The following EMC4 variants were observed in gnomAD, a reference collection of about 807,000 sequenced individuals.
EMC4 encodes cell proliferation-inducing gene 17 protein.
Under a neutral mutation model 24.2 loss-of-function variants are expected in EMC4, and 9 were observed. The ratio of observed to expected loss-of-function variants is 0.37; its 90% CI spans 0.22 to 0.65. EMC4 has a LOEUF of 0.65. Among genes scored for constraint, EMC4 ranks in the 30% least tolerant of loss-of-function variants. The probability of loss-of-function intolerance (pLI) is 0.59; values close to 1 mark genes in which losing one functional copy is unlikely to be tolerated. For missense variants in EMC4, 169 were observed against 234.6 expected (o/e 0.72, Z 1.83); for synonymous variants, 86 against 81.1 (o/e 1.06, Z -0.32).
chr15:34,227,904 G>A, intron 3 of EMC4, 58 bp downstream of exon 3: 1 of 1,570,248 alleles, frequency 6.4e-7, no homozygotes, highest in Non-Finnish European at 8.7e-7. Flanking sequence ...AGGCAGGCCG[G>A]GCATGGTGGC....
At chr15:34,225,258 T>C (rs1339993280) in intron 1 of EMC4, 58 bp downstream of exon 1, 16 of 1,373,936 alleles carry the variant, frequency 1.2e-5, no homozygotes, top group Non-Finnish European at 1.5e-5. Context: ...ACCAGAGTAA[T>C]GAGACCTGAG....
chr15:34,227,610 T>C, intron 2 of EMC4, 83 bp from the exon 3 acceptor site: 1 of 1,441,790 alleles, frequency 6.9e-7, no homozygotes, highest in Non-Finnish European at 9.6e-7. Context: ...GGAATTCCGT[T>C]CATGTGATTT....
In EMC4 at chr15:34,229,901, C is replaced by CA. The variant is rs753809273; in HGVS notation, c.*117dup. 9 of 1,003,216 alleles carry CA rather than the reference C, an allele frequency of 9.0e-6. No individual in the cohort carries two copies. Among genetic ancestry groups the CA allele is most frequent in the Non-Finnish European group, 1.4e-5 (9 of 637,316 alleles). 62.1% of individuals were successfully genotyped at this position (1,003,216 alleles called of 1,614,324 possible). A position where few individuals can be genotyped will look rare whatever the true frequency, so the allele number is the denominator to read the frequency against. ...ACTAATCACTTATGTTAAAAAGAAC[C>CA]AAAAGACTCTTTTCTCCATGGTGGG... On this transcript the variant is annotated 3_prime_UTR_variant, in exon 5 of 5. Coordinates refer to ENST00000267750, the MANE Select transcript of EMC4 (RefSeq NM_016454.4).
intron 4 of EMC4, 34 bp from the exon 5 acceptor site, chr15:34,229,719 C>T: frequency 8.8e-7 from 1 of 1,137,686 alleles, no homozygotes; most frequent in Non-Finnish European, 1.3e-6. Context: ...ACTCATTTGC[C>T]ACTCACCTAT....
intron 2 of EMC4, chr15:34,226,640 C>G (rs1176745138): frequency 6.6e-6 from 1 of 152,260 alleles, no homozygotes; most frequent in Admixed American, 6.5e-5. Flanking sequence ...CTCCCAGGGT[C>G]AAGCAATTCT....
At chr15:34,228,046 G>C (rs998736902) in intron 3 of EMC4, 200 bp downstream of exon 3, 1 of 508,066 alleles carries the variant, frequency 2.0e-6, no homozygotes, top group South Asian at 2.3e-5. Context: ...AGCTGGGCGT[G>C]GTGGCACACG....
At chr15:34,229,664 T>C (rs1890784171) in intron 4 of EMC4, 89 bp from the exon 5 acceptor site, 3 of 778,066 alleles carry the variant, frequency 3.9e-6, no homozygotes, top group Non-Finnish European at 6.4e-6. Context: ...AAAATAGAGC[T>C]TGTGGTTAAA....
At position 34,225,581 on chromosome 15, in the gene EMC4, A is replaced by C; in HGVS notation, c.132A>C (p.Pro44=). ...RGSGQGDSLY[P]VGYLDKQVPD... ...GTGGCCAGGGAGACTCGCTCTACCCAGTCGGTTACTTGGACAAGCAAGTGC... is the reference window on the plus strand; with the variant it reads ...GTGGCCAGGGAGACTCGCTCTACCCCGTCGGTTACTTGGACAAGCAAGTGC... Residue 44 remains proline, a synonymous_variant, in exon 2 of 5, where the codon CCA becomes CCC. Coordinates refer to ENST00000267750, the MANE Select transcript of EMC4 (RefSeq NM_016454.4). 3 of 1,614,188 alleles carry C rather than the reference A, an allele frequency of 1.9e-6. No individual in the cohort carries two copies. Among genetic ancestry groups the C allele is most frequent in the Non-Finnish European group, 2.5e-6 (3 of 1,180,026 alleles).
At chr15:34,228,686 CTTTTTTTTTTTTTT>C (rs71119951) in intron 4 of EMC4, 97 bp downstream of exon 4, 22 of 299,884 alleles carry the variant, frequency 7.3e-5, no homozygotes, top group South Asian at 2.7e-4. Context: ...ATTTGAGTTT[CTTTTTTTTTTTTTT>C]TTTTTTTTTG....
chr15:34,229,247 C>T (rs1327299905), intron 4 of EMC4: 2 of 153,006 alleles, frequency 1.3e-5, no homozygotes, highest in Admixed American at 6.6e-5. Flanking sequence ...AGGGTTTCAC[C>T]ATGTTGGCCA....
intron 1 of EMC4, 36 bp downstream of exon 1, chr15:34,225,236 T>G (rs1450531075): frequency 6.7e-7 from 1 of 1,484,256 alleles, no homozygotes; most frequent in Non-Finnish European, 9.1e-7. Flanking sequence ...TCACTGTTCA[T>G]CCCAGAACTG....
chr15:34,225,896 TCTTC>T, intron 2 of EMC4: 1 of 504,410 alleles, frequency 2.0e-6, no homozygotes, highest in South Asian at 1.7e-5. Context: ...GGTGGCAACA[TCTTC>T]CAGTTGAAGT....
Position 34,229,830 on chromosome 15 carries a change from AT to A in EMC4, c.*45del. 6.2e-7 allele frequency: 1 copy of A among 1,604,428 alleles called. No homozygotes were observed. The highest frequency in any genetic ancestry group is 8.5e-7 in the Non-Finnish European group (1 of 1,171,268). Reference sequence around the variant, plus strand: ...CCTGGTCCCTATGTATTTGGGTCTTATTTACATCCTTCTTTAAGCCCAGTGG... The same window carrying A: ...CCTGGTCCCTATGTATTTGGGTCTTATTACATCCTTCTTTAAGCCCAGTGG... On this transcript the variant is annotated 3_prime_UTR_variant, in exon 5 of 5. Coordinates refer to ENST00000267750, the MANE Select transcript of EMC4 (RefSeq NM_016454.4).
intron 2 of EMC4, chr15:34,227,055 A>G (rs1312203214): frequency 6.6e-6 from 1 of 152,206 alleles, no homozygotes; most frequent in Admixed American, 6.5e-5. Flanking sequence ...TAGTTACTAT[A>G]AAATTATTTC....
intron 2 of EMC4, chr15:34,226,434 G>A (rs967199450): frequency 2.0e-5 from 3 of 152,788 alleles, no homozygotes; most frequent in Admixed American, 1.9e-4. Context: ...TATTTTTACA[G>A]GTCACTGTAC....
chr15:34,225,571 C>T lies in EMC4; in HGVS notation c.122C>T (p.Ser41Leu). ...GACCGGGGCAGTGGCCAGGGAGACT[C>T]GCTCTACCCAGTCGGTTACTTGGAC... ...RSDRGSGQGD[S>L]LYPVGYLDKQ... Residue 41 changes from serine (S) to leucine (L), a missense_variant, in exon 2 of 5, where the codon TCG becomes TTG. Physicochemically the swap from Ser to Leu is moderately radical, Grantham distance 145 (BLOSUM62 -2). Coordinates refer to ENST00000267750, the MANE Select transcript of EMC4 (RefSeq NM_016454.4). The T allele has an allele frequency of 6.2e-7, 1 of 1,614,136 alleles. No individual in the cohort carries two copies. The highest frequency in any genetic ancestry group is 1.3e-5 in the African/African-American group (1 of 75,014).
At chr15:34,225,498 G>A (rs1890627027) in intron 1 of EMC4, 38 bp from the exon 2 acceptor site, 1 of 1,441,288 alleles carries the variant, frequency 6.9e-7, no homozygotes, top group African/African-American at 1.4e-5. Flanking sequence ...AAGAAGTATC[G>A]GAGGTTGCAG....
chr15:34,225,464 T>C (rs982861880), intron 1 of EMC4, 72 bp from the exon 2 acceptor site: 181 of 1,175,704 alleles, frequency 1.5e-4, no homozygotes, highest in Admixed American at 9.5e-4. Context: ...ATTCCTATGA[T>C]TGGTAGATCA....
In EMC4 at chr15:34,225,045, C is replaced by G. The variant is rs547467605; in HGVS notation, c.-70C>G. 2.3e-6 allele frequency: 3 copies of G among 1,279,802 alleles called. No homozygotes were observed. Among genetic ancestry groups the G allele is most frequent in the Admixed American group, 2.0e-5 (1 of 50,510 alleles). 79.3% of individuals were successfully genotyped at this position (1,279,802 alleles called of 1,614,324 possible). A position where few individuals can be genotyped will look rare whatever the true frequency, so the allele number is the denominator to read the frequency against. ...TTGCAGAGTGAGACAAAGCGGAGAA[C>G]GCTGGTGGGCCTGTTGTGGAGTACG... On this transcript the variant is annotated 5_prime_UTR_variant, in exon 1 of 5. Coordinates refer to ENST00000267750, the MANE Select transcript of EMC4 (RefSeq NM_016454.4).
Sources: gnomAD v4.1 joint callset for allele counts on GRCh38, gnomAD v4.1.1 for gene constraint, MANE v1.5 for transcripts, NCBI Gene and HGNC (gene_info 2026-07-23, HGNC 2026-07-21) for gene names.